Variants in RUFY1 observed in about 807,000 individuals in gnomAD.
The protein encoded by RUFY1 is RUN and FYVE domain-containing protein 1.
A neutral mutation model predicts 94.6 loss-of-function variants in RUFY1; 54 were observed. The ratio of observed to expected loss-of-function variants is 0.57; its 90% CI spans 0.46 to 0.72. The LOEUF is 0.72. RUFY1 is among the 30% of genes least tolerant of loss of function. The pLI is 0.00. For missense variants in RUFY1, 883 were observed against 883.9 expected, an observed-to-expected ratio of 1.00 and a Z score of 0.01; for synonymous variants, 396 against 347.3, an observed-to-expected ratio of 1.14 and a Z score of -1.56.
intron 1 of RUFY1, among the ~76,000 whole-genome samples, chr5:179,558,940 A>T (rs751384280): frequency 6.6e-5 from 10 of 152,254 alleles, no homozygotes; most frequent in Non-Finnish European, 1.5e-4. Flanking sequence ...AAGGCAAGCA[A>T]TTCAACACGA....
intron 1 of RUFY1, among the ~76,000 whole-genome samples, chr5:179,556,278 A>G (rs908265177): frequency 2.0e-5 from 3 of 152,052 alleles, no homozygotes; most frequent in Admixed American, 6.6e-5. Flanking sequence ...AATTAATGTA[A>G]TAGATTTGTA....
intron 1 of RUFY1, among the ~76,000 whole-genome samples, chr5:179,554,797 G>A (rs942777854): frequency 6.6e-6 from 1 of 151,536 alleles, no homozygotes; most frequent in Admixed American, 6.6e-5. Flanking sequence ...GTGAAACCCC[G>A]TCTCCACTAA....
chr5:179,558,923 T>TA (rs1762243294), intron 1 of RUFY1, among the ~76,000 whole-genome samples: 1 of 152,206 alleles, frequency 6.6e-6, no homozygotes, highest in Admixed American at 6.6e-5. Context: ...TACAGGTCAG[T>TA]AAGACAAAGG....
intron 15 of RUFY1, among the ~76,000 whole-genome samples, chr5:179,605,484 T>C (rs1766970220): frequency 6.6e-6 from 1 of 152,152 alleles, no homozygotes; most frequent in African/African-American, 2.4e-5. Flanking sequence ...GGCAGCAGAA[T>C]GGAGGCCGGG....
At chr5:179,554,158 T>C (rs756894536) in intron 1 of RUFY1, among the ~76,000 whole-genome samples, 21 of 152,200 alleles carry the variant, frequency 1.4e-4, no homozygotes, top group Non-Finnish European at 2.6e-4. Context: ...AGAGATTGAA[T>C]GTGAGCAGCA....
intron 14 of RUFY1, among the ~76,000 whole-genome samples, chr5:179,601,577 T>C (rs1256565406): frequency 2.0e-5 from 3 of 150,960 alleles, no homozygotes; most frequent in Non-Finnish European, 4.4e-5. Context: ...TCCCAGCACT[T>C]TGGGAGGCCG....
At chr5:179,585,566 G>A (rs1331731580) in intron 7 of RUFY1, among the ~76,000 whole-genome samples, 5 of 152,184 alleles carry the variant, frequency 3.3e-5, no homozygotes, top group Admixed American at 6.6e-5. Context: ...GCGACAGAGC[G>A]AGACTTTGCC....
At chr5:179,559,721 C>T (rs1156252508) in intron 1 of RUFY1, 2 of 1,081,036 alleles carry the variant, frequency 1.9e-6, no homozygotes, top group Non-Finnish European at 2.2e-6. Context: ...CGGGAGAAGC[C>T]AAACGCGGCG....
At chr5:179,564,813 A>G (rs1388493062) in intron 3 of RUFY1, among the ~76,000 whole-genome samples, 1 of 152,224 alleles carries the variant, frequency 6.6e-6, no homozygotes, top group East Asian at 1.9e-4. Flanking sequence ...ACAGGAGATT[A>G]GAACCACCCT....
At position 179,579,657 on chromosome 5, in the gene RUFY1, CTT is replaced by C. The variant is rs61062422; in HGVS notation, c.891-1269_891-1268del. Reference sequence around the variant, plus strand: ...TAACAAAATATACCCTTTTCTTCTTCTTTTTTTTTTTTTTTTTTTTTTGAGAT... The same window carrying C: ...TAACAAAATATACCCTTTTCTTCTTCTTTTTTTTTTTTTTTTTTTTGAGAT... On this transcript the variant is annotated intron_variant, in intron 6 of 17. Coordinates refer to ENST00000319449, the MANE Select transcript of RUFY1 (RefSeq NM_025158.5). 1.0e-3 allele frequency among the ~76,000 whole-genome samples: 52 copies of C among 50,558 alleles called. 1 individual carries two copies. The highest frequency in any genetic ancestry group is 2.7e-3 in the South Asian group (2 of 740). The allele number at this position is 50,558 out of a possible 152,430, so 33.2% of individuals were successfully genotyped here. A position where few individuals can be genotyped will look rare whatever the true frequency, so the allele number is the denominator to read the frequency against.
intron 6 of RUFY1, among the ~76,000 whole-genome samples, chr5:179,580,241 G>GTGTGTGTGTATATA (rs149099074): frequency 0.04 from 3,735 of 93,694 alleles, 71 homozygotes; most frequent in South Asian, 0.052. Flanking sequence ...GTGTGTGTGT[G>GTGTGTGTGTATATA]TATATTTTTT....
chr5:179,574,129 G>A (rs994710406), intron 5 of RUFY1, among the ~76,000 whole-genome samples: 6 of 151,986 alleles, frequency 3.9e-5, no homozygotes, highest in Non-Finnish European at 5.9e-5. Flanking sequence ...AAGGCCGGGC[G>A]TGGTGGCTCA....
At chr5:179,573,445 T>C (rs908855641) in intron 5 of RUFY1, among the ~76,000 whole-genome samples, 33 of 152,202 alleles carry the variant, frequency 2.2e-4, no homozygotes, top group African/African-American at 8.0e-4. Context: ...GCTGCTGATG[T>C]CTGAGGGATG....
chr5:179,594,912 T>G lies in RUFY1; in HGVS notation c.1460T>G (p.Phe487Cys). The G allele has an allele frequency of 6.2e-7, 1 of 1,613,704 alleles. No homozygotes were observed. The highest frequency in any genetic ancestry group is 8.5e-7 in the Non-Finnish European group (1 of 1,179,786). The change falls in exon 12 of 18, where the codon TTT becomes TGT. Residue 487 changes from phenylalanine (F) to cysteine (C), a missense_variant. Phe to Cys is a radical substitution (Grantham distance 205). Transcript: ENST00000319449. ...LQQKNEAITS[F>C]EGKTNQVMSS... The stretch of plus-strand genomic sequence containing the variant: ...CAGAAGAATGAAGCCATCACATCCT[T>G]TGAAGGAAAAACCAACCAAGTTATG...
intron 17 of RUFY1, 55 bp from the exon 18 acceptor site, chr5:179,609,321 T>TG (rs1767474999): frequency 6.4e-7 from 1 of 1,572,896 alleles, no homozygotes. Context: ...GCAGGGAGGG[T>TG]GTGCGGATGG....
At chr5:179,551,390 T>C (rs1008880253) in intron 1 of RUFY1, among the ~76,000 whole-genome samples, 6 of 152,262 alleles carry the variant, frequency 3.9e-5, no homozygotes, top group Admixed American at 3.9e-4. Flanking sequence ...ATATCAGTGA[T>C]AGTAAGAGTT....
chr5:179,598,050 C>G (rs776842131), intron 13 of RUFY1, among the ~76,000 whole-genome samples: 1 of 152,146 alleles, frequency 6.6e-6, no homozygotes. Context: ...ATTAGCTGGG[C>G]GTGGTGGCGT....
At chr5:179,559,807 C>T (rs1389658279) in intron 1 of RUFY1, 6 of 1,302,324 alleles carry the variant, frequency 4.6e-6, no homozygotes, top group Non-Finnish European at 4.9e-6. Flanking sequence ...GGCCCAGTGG[C>T]TCTTCTGACC....
chr5:179,562,419 A>T, intron 2 of RUFY1, 128 bp from the exon 3 acceptor site: 1 of 668,300 alleles, frequency 1.5e-6, no homozygotes, highest in Non-Finnish European at 2.7e-6. Flanking sequence ...AAAGATTTTT[A>T]AAAAAGGATT....
Sources: gnomAD v4.1 joint callset for allele counts (sites outside exome capture counted in the v4.1 genomes callset) on GRCh38, gnomAD v4.1.1 for gene constraint, MANE v1.5 for transcripts, NCBI Gene and HGNC (gene_info 2026-07-23, HGNC 2026-07-21) for gene names.